The following RGPD2 variants were observed in gnomAD, a reference collection of about 807,000 sequenced individuals.
RGPD2 encodes RANBP2 like and GRIP domain containing 2.
A neutral mutation model predicts 36.0 loss-of-function variants in RGPD2; 2 were observed. The ratio of observed to expected loss-of-function variants is 0.06; its 90% CI spans 0.02 to 0.17. The LOEUF (loss-of-function observed/expected upper bound fraction) is 0.17, where lower values mean the gene tolerates loss of function less well. Ranked by LOEUF, RGPD2 falls within the 10% of genes least tolerant of loss-of-function variation. RGPD2 has a pLI of 1.00. For missense variants in RGPD2, 40 were observed against 464.3 expected, an observed-to-expected ratio of 0.09 and a Z score of 8.40; for synonymous variants, 19 against 163.8, an observed-to-expected ratio of 0.12 and a Z score of 6.75.
At chr2:87,847,564 T>C in the RGPD2 span, among the ~76,000 whole-genome samples, 1 of 150,000 alleles carries the variant, frequency 6.7e-6, no homozygotes, top group Non-Finnish European at 1.5e-5. Context: ...AGTGGCGCAA[T>C]CTCGACTCAC....
At chr2:87,843,921 A>G in the RGPD2 span, among the ~76,000 whole-genome samples, 1 of 151,974 alleles carries the variant, frequency 6.6e-6, no homozygotes, top group Non-Finnish European at 1.5e-5. Flanking sequence ...AGGGACATGG[A>G]TGAAATTGGA....
At chr2:87,809,095 G>A (rs1159718399) in intron 6 of RGPD2, among the ~76,000 whole-genome samples, 16 of 130,376 alleles carry the variant, frequency 1.2e-4, no homozygotes, top group African/African-American at 4.3e-4. Flanking sequence ...CACAAGGTCA[G>A]GATATCAAGA....
intron 22 of RGPD2, among the ~76,000 whole-genome samples, chr2:87,760,996 C>T (rs907764949): frequency 7.2e-6 from 1 of 138,118 alleles, no homozygotes; most frequent in Non-Finnish European, 1.6e-5. Context: ...GTTCTTGACT[C>T]TTGTTCTGTT....
chr2:87,886,319 A>G, the RGPD2 span, among the ~76,000 whole-genome samples: 2 of 151,818 alleles, frequency 1.3e-5, no homozygotes, highest in East Asian at 3.9e-4. Flanking sequence ...TCCATGCTAC[A>G]AAATAATCCT....
the RGPD2 span, among the ~76,000 whole-genome samples, chr2:87,921,870 G>T: frequency 6.6e-6 from 1 of 152,040 alleles, no homozygotes; most frequent in African/African-American, 2.4e-5. Flanking sequence ...GTGGAAGCCT[G>T]GAGGCATTTT....
the RGPD2 span, among the ~76,000 whole-genome samples, chr2:87,894,576 TG>T: frequency 6.6e-6 from 1 of 152,130 alleles, no homozygotes; most frequent in Non-Finnish European, 1.5e-5. Context: ...AAATACCTAT[TG>T]TGTTCTAAAC....
At chr2:87,807,833 A>G (rs2104337194) in intron 6 of RGPD2, among the ~76,000 whole-genome samples, 1 of 8,832 alleles carries the variant, frequency 1.1e-4, no homozygotes, top group East Asian at 2.0e-3. Context: ...ACGCAACCAG[A>G]GCAAATGAGG....
chr2:87,952,807 AG>A, the RGPD2 span, among the ~76,000 whole-genome samples: 1 of 151,914 alleles, frequency 6.6e-6, no homozygotes, highest in African/African-American at 2.4e-5. Flanking sequence ...AGAACTTCCA[AG>A]TCTTTGTTTG....
the RGPD2 span, among the ~76,000 whole-genome samples, chr2:87,882,324 C>T: frequency 7.2e-5 from 11 of 152,058 alleles, no homozygotes; most frequent in Non-Finnish European, 1.3e-4. Context: ...TATGAATATC[C>T]GGTTTTCCCA....
the RGPD2 span, among the ~76,000 whole-genome samples, chr2:87,963,983 G>A: frequency 2.0e-5 from 3 of 149,314 alleles, no homozygotes; most frequent in East Asian, 3.9e-4. Context: ...TTACAGGTAC[G>A]TGCCATCACA....
At chr2:87,769,365 A>G (rs940250384) in intron 22 of RGPD2, among the ~76,000 whole-genome samples, 7 of 152,112 alleles carry the variant, frequency 4.6e-5, no homozygotes, top group Admixed American at 6.5e-5. Context: ...ATGTACTCAC[A>G]TTGATAAGAG....
the RGPD2 span, among the ~76,000 whole-genome samples, chr2:87,885,211 T>G: frequency 1.3e-5 from 2 of 152,088 alleles, no homozygotes; most frequent in African/African-American, 4.8e-5. Flanking sequence ...CATAAATCAA[T>G]AAATGTGATA....
At chr2:87,894,333 T>C in the RGPD2 span, among the ~76,000 whole-genome samples, 1 of 151,642 alleles carries the variant, frequency 6.6e-6, no homozygotes, top group Non-Finnish European at 1.5e-5. Flanking sequence ...ACATATTCCA[T>C]ATTTGAATAT....
chr2:87,980,445 T>C, the RGPD2 span, among the ~76,000 whole-genome samples: 1 of 66,148 alleles, frequency 1.5e-5, no homozygotes, highest in Non-Finnish European at 3.3e-5. Context: ...AGGTAAATGC[T>C]GTCATTTCAG....
At chr2:87,876,179 GT>G in the RGPD2 span, among the ~76,000 whole-genome samples, 67 of 132,336 alleles carry the variant, frequency 5.1e-4, 1 homozygote, top group Middle Eastern at 4.2e-3. Context: ...GATTTGTGGG[GT>G]TTTTTTTTTT....
the RGPD2 span, among the ~76,000 whole-genome samples, chr2:87,958,086 C>A: frequency 6.6e-6 from 1 of 151,890 alleles, no homozygotes; most frequent in Non-Finnish European, 1.5e-5. Flanking sequence ...TTGTTGCTAA[C>A]CAAATTGTTT....
the RGPD2 span, among the ~76,000 whole-genome samples, chr2:87,873,004 C>A: frequency 2.6e-5 from 4 of 152,290 alleles, no homozygotes; most frequent in Non-Finnish European, 4.4e-5. Flanking sequence ...ATGATCCACC[C>A]TCTTCAGCTT....
At chr2:87,920,137 G>A in the RGPD2 span, among the ~76,000 whole-genome samples, 92 of 151,758 alleles carry the variant, frequency 6.1e-4, no homozygotes, top group African/African-American at 2.0e-3. Context: ...CAAAGAAACC[G>A]TGACCATAAA....
chr2:87,988,604 G>T, the RGPD2 span, among the ~76,000 whole-genome samples: 1 of 143,840 alleles, frequency 7.0e-6, no homozygotes. Context: ...GCAGTGGCAC[G>T]ATCTTGGCTC....
Sources: gnomAD v4.1 joint callset for allele counts (sites outside exome capture counted in the v4.1 genomes callset) on GRCh38, gnomAD v4.1.1 for gene constraint, MANE v1.5 for transcripts, NCBI Gene and HGNC (gene_info 2026-07-23, HGNC 2026-07-21) for gene names.